SOAT1: variants seen among roughly 807,000 people sequenced by gnomAD.
SOAT1 encodes sterol O-acyltransferase 1, also known as acyl-coenzyme A:cholesterol acyltransferase 1.
A neutral mutation model predicts 69.5 loss-of-function variants in SOAT1; 55 were observed. The observed-to-expected ratio is 0.79, with a 90% CI of 0.64 to 0.99. The LOEUF (loss-of-function observed/expected upper bound fraction) is 0.99. SOAT1 is among the 50% of genes least tolerant of loss of function. SOAT1 has a pLI of 0.00. For synonymous variants in SOAT1, 231 were observed against 224.7 expected, an observed-to-expected ratio of 1.03 and a Z score of -0.25; for missense variants, 580 against 669.3, an observed-to-expected ratio of 0.87 and a Z score of 1.47.
At chr1:179,322,660 T>G (rs1482431659) in intron 2 of SOAT1, among the ~76,000 whole-genome samples, 3 of 152,320 alleles carry the variant, frequency 2.0e-5, no homozygotes, top group Non-Finnish European at 4.4e-5. Context: ...AGAACATATT[T>G]ATCTCATATT....
rs960347681 is a variant in SOAT1 at position 179,324,961 on chromosome 1, C to T, written c.177+1466C>T. On this transcript the variant is annotated intron_variant, in intron 3 of 15. Coordinates refer to ENST00000367619, the MANE Select transcript of SOAT1 (RefSeq NM_003101.6). ...GAGACTACAGGCACATGCCACCACG[C>T]CTGGCTAATTTTTTGTAATTTTTAG... Among the ~76,000 whole-genome samples, 3 of 149,940 alleles carry T rather than the reference C, an allele frequency of 2.0e-5. No individual in the cohort carries two copies. In the South Asian group the frequency reaches 6.4e-4, roughly 32 times the overall value.
At chr1:179,310,728 TGA>T (rs1354656553) in intron 2 of SOAT1, among the ~76,000 whole-genome samples, 1 of 152,100 alleles carries the variant, frequency 6.6e-6, no homozygotes. Context: ...ACACGGTCAA[TGA>T]GAGTTTTTTA....
intron 3 of SOAT1, among the ~76,000 whole-genome samples, chr1:179,324,420 G>C (rs966668360): frequency 6.6e-6 from 1 of 150,716 alleles, no homozygotes; most frequent in African/African-American, 2.4e-5. Context: ...GAACATATTT[G>C]CTTAACATTA....
intron 2 of SOAT1, among the ~76,000 whole-genome samples, chr1:179,309,562 A>C (rs1665148214): frequency 1.3e-5 from 2 of 152,172 alleles, no homozygotes; most frequent in East Asian, 1.9e-4. Flanking sequence ...TGGGTGAAAA[A>C]CAGTATACAT....
At position 179,350,436 on chromosome 1, in the gene SOAT1, G is replaced by C. The variant is rs1666685658; in HGVS notation, c.1450+5G>C. 1 of 1,613,114 alleles carries C rather than the reference G, an allele frequency of 6.2e-7. No individual in the cohort carries two copies. Among genetic ancestry groups the C allele is most frequent in the African/African-American group, 1.3e-5 (1 of 74,830 alleles). On this transcript the variant is annotated splice_donor_5th_base_variant and intron_variant, in intron 14 of 15. Coordinates refer to ENST00000367619, the MANE Select transcript of SOAT1 (RefSeq NM_003101.6). ...TGCTCTTCATGTTCTTTGGAAGTAA[G>C]TATCTTGGTATGCTGTGAGTACTGG...
Position 179,323,458 on chromosome 1 carries a change from T to C in SOAT1, c.140T>C (p.Leu47Ser). The change falls in exon 3 of 16, where the codon TTG becomes TCG. Residue 47 changes from leucine to serine, a missense_variant. Transcript: ENST00000367619. ...PSNGRIDIKQ[L>S]IAKKIKLTAE... Reference sequence around the variant, plus strand: ...GTAGGTCGAATTGACATAAAACAGTTGATAGCAAAGAAGATAAAGTTGACA... The same window carrying C: ...GTAGGTCGAATTGACATAAAACAGTCGATAGCAAAGAAGATAAAGTTGACA... 1.2e-6 allele frequency: 2 copies of C among 1,613,910 alleles called. No homozygotes were observed. Among genetic ancestry groups the C allele is most frequent in the Non-Finnish European group, 1.7e-6 (2 of 1,179,932 alleles).
intron 7 of SOAT1, among the ~76,000 whole-genome samples, chr1:179,341,776 G>C (rs1443366636): frequency 6.6e-6 from 1 of 151,968 alleles, no homozygotes; most frequent in East Asian, 1.9e-4. Context: ...CTTACGATCC[G>C]CCTGCCTCGG....
chr1:179,345,505 C>G (rs1306460639), intron 11 of SOAT1, among the ~76,000 whole-genome samples: 1 of 151,978 alleles, frequency 6.6e-6, no homozygotes, highest in African/African-American at 2.4e-5. Context: ...CCAAGTTGAC[C>G]TCCATGAAGC....
At chr1:179,302,636 A>G in intron 1 of SOAT1, 41 bp from the exon 2 acceptor site, 1 of 1,330,228 alleles carries the variant, frequency 7.5e-7, no homozygotes, top group Non-Finnish European at 1.0e-6. Context: ...AGCAGTGTGA[A>G]AACGGACTAA....
At chr1:179,346,650 C>T (rs10913731) in intron 11 of SOAT1, among the ~76,000 whole-genome samples, 11,873 of 152,212 alleles carry the variant, frequency 0.078, 764 homozygotes, top group East Asian at 0.36. Flanking sequence ...TTAACCATGT[C>T]ACTATTAACA....
intron 3 of SOAT1, 31 bp downstream of exon 3, chr1:179,323,526 T>C: frequency 6.3e-7 from 1 of 1,582,876 alleles, no homozygotes; most frequent in Non-Finnish European, 8.7e-7. Flanking sequence ...GAAACAAAAA[T>C]GTAGAGTTTT....
chr1:179,297,788 T>C (rs1229221976), intron 1 of SOAT1, among the ~76,000 whole-genome samples: 1 of 149,960 alleles, frequency 6.7e-6, no homozygotes, highest in Non-Finnish European at 1.5e-5. Flanking sequence ...TCCCAGCACT[T>C]TGGGAGGCCG....
Position 179,342,962 on chromosome 1 carries a change from A to G in SOAT1, c.941+19A>G. ...ATCCCAGGTAATGGTACTGTGAACC[A>G]GAAATGTGGTAAACACCAAAAGTGT... is the stretch of plus-strand genomic sequence containing the variant. On this transcript the variant is annotated intron_variant, in intron 9 of 15. Transcript: ENST00000367619. The G allele has an allele frequency of 6.2e-7, 1 of 1,602,262 alleles. No individual in the cohort carries two copies. Among genetic ancestry groups the G allele is most frequent in the Non-Finnish European group, 8.6e-7 (1 of 1,169,314 alleles).
chr1:179,319,864 C>T (rs1665533211), intron 2 of SOAT1, among the ~76,000 whole-genome samples: 1 of 152,166 alleles, frequency 6.6e-6, no homozygotes, highest in Admixed American at 6.5e-5. Context: ...GATCCTCCCA[C>T]CTTGGCCTCC....
Position 179,304,839 on chromosome 1 carries a change from G to T in SOAT1, c.118+2037G>T, listed in dbSNP as rs141325223. Among the ~76,000 whole-genome samples, 284 of 151,850 alleles carry T rather than the reference G, an allele frequency of 1.9e-3. 4 individuals carry two copies. Among genetic ancestry groups the T allele is most frequent in the African/African-American group, 6.4e-3 (263 of 41,374 alleles). ...AATTTTTGTATTTTAATAGAGTTGG[G>T]GCTTCAACATGTTGGCCAGGCTGGT... On this transcript the variant is annotated intron_variant, in intron 2 of 15. Transcript: ENST00000367619.
chr1:179,349,430 C>T (rs559503379), intron 13 of SOAT1, among the ~76,000 whole-genome samples: 2 of 149,482 alleles, frequency 1.3e-5, no homozygotes, highest in South Asian at 4.2e-4. Flanking sequence ...CGGGTTCAAG[C>T]GATTCTCCTG....
chr1:179,312,790 C>T (rs1048283853), intron 2 of SOAT1, among the ~76,000 whole-genome samples: 1 of 152,234 alleles, frequency 6.6e-6, no homozygotes, highest in Non-Finnish European at 1.5e-5. Flanking sequence ...TAACCCTTTA[C>T]CCGCTTTGCC....
At chr1:179,298,774 A>G (rs535340414) in intron 1 of SOAT1, among the ~76,000 whole-genome samples, 16 of 152,356 alleles carry the variant, frequency 1.1e-4, no homozygotes, top group African/African-American at 2.2e-4. Context: ...ATTGAATACT[A>G]TACTGAAAGT....
chr1:179,298,622 A>G (rs1377517030), intron 1 of SOAT1, among the ~76,000 whole-genome samples: 1 of 152,232 alleles, frequency 6.6e-6, no homozygotes, highest in Admixed American at 6.5e-5. Flanking sequence ...GCTTGCCACC[A>G]CGCCGGGCTA....
Sources: allele counts gnomAD v4.1 joint callset (sites outside exome capture counted in the v4.1 genomes callset), GRCh38; gene constraint gnomAD v4.1.1; transcripts MANE v1.5; gene names NCBI Gene and HGNC (gene_info 2026-07-23, HGNC 2026-07-21).